The following RASGRF1 variants were observed in gnomAD, a reference collection of about 807,000 sequenced individuals.
RASGRF1 encodes Ras protein specific guanine nucleotide releasing factor 1, also known as ras-specific guanine nucleotide-releasing factor 1.
RASGRF1 carries 40 observed loss-of-function variants against 138.7 expected under a neutral mutation model. The observed-to-expected ratio is 0.29, with a 90% CI of 0.22 to 0.38. The LOEUF (loss-of-function observed/expected upper bound fraction) is 0.38. Ranked by LOEUF, RASGRF1 falls within the 10% of genes least tolerant of loss-of-function variation. The pLI, the probability that RASGRF1 is intolerant of heterozygous loss-of-function variation, is 1.00. For missense variants in RASGRF1, 1,108 were observed against 1,650.4 expected, an observed-to-expected ratio of 0.67 and a Z score of 5.69; for synonymous variants, 614 against 663.2, an observed-to-expected ratio of 0.93 and a Z score of 1.14.
At chr15:79,087,360 C>T (rs1340072835) in intron 1 of RASGRF1, among the ~76,000 whole-genome samples, 1 of 152,236 alleles carries the variant, frequency 6.6e-6, no homozygotes, top group African/African-American at 2.4e-5. Flanking sequence ...TGTGCACGGT[C>T]CCTGATTCTG....
Position 79,006,443 on chromosome 15 carries a change from G to A in RASGRF1, c.1827-9C>T. On this transcript the variant is annotated splice_polypyrimidine_tract_variant and intron_variant, in intron 13 of 26. Transcript: ENST00000558480. This position sits in a 1 kb window ranked among gnomAD's most constrained non-coding sequence, Gnocchi z 4.0. ...ATAAGGAGGCGTCGGACCTGAGAGGGGAGGAAGGATGCAGAGGTGATGTGG... is the reference window on the plus strand; with the variant it reads ...ATAAGGAGGCGTCGGACCTGAGAGGAGAGGAAGGATGCAGAGGTGATGTGG... 3 of 1,607,640 alleles carry A rather than the reference G, an allele frequency of 1.9e-6. No homozygotes were observed. The highest frequency in any genetic ancestry group is 2.7e-5 in the African/African-American group (2 of 74,974).
intron 26 of RASGRF1, 48 bp from the exon 27 acceptor site, chr15:78,962,284 A>C (rs1442335567): frequency 7.8e-7 from 1 of 1,279,602 alleles, no homozygotes; most frequent in Non-Finnish European, 1.1e-6. Flanking sequence ...TGGGACCTCC[A>C]TAGTACTGAT....
In RASGRF1 at chr15:79,027,748, C is replaced by T. The variant is rs1363165698; in HGVS notation, c.1374G>A (p.Val458=). 2 of 1,614,046 alleles carry T rather than the reference C, an allele frequency of 1.2e-6. No homozygotes were observed. Among genetic ancestry groups the T allele is most frequent in the Non-Finnish European group, 8.5e-7 (1 of 1,180,012 alleles). ...AGGGTGCAGAGGCCATACCTTGTCT[C>T]ACAAAGGTCTGGCTGGTGTCCAGGA... The part of the protein sequence containing the change: ...EILLDTSQTF[V]RQGSLIQVPM... Residue 458 remains valine, a synonymous_variant, in exon 9 of 27, where the codon GTG becomes GTA. Coordinates refer to ENST00000558480, the MANE Select transcript of RASGRF1 (RefSeq NM_001145648.3). The surrounding 1 kb of genome is among the most constrained non-coding windows in gnomAD (Gnocchi z 4.8).
chr15:79,004,530 T>C (rs912277106), intron 14 of RASGRF1, among the ~76,000 whole-genome samples: 2 of 151,866 alleles, frequency 1.3e-5, no homozygotes, highest in African/African-American at 4.8e-5. Flanking sequence ...CCGCCTACAC[T>C]CTCTGGCCTC....
At chr15:79,068,983 C>T (rs2057718272) in intron 1 of RASGRF1, among the ~76,000 whole-genome samples, 1 of 152,080 alleles carries the variant, frequency 6.6e-6, no homozygotes, top group African/African-American at 2.4e-5. Context: ...GACCACAGGC[C>T]TGGCCGGGCT....
intron 1 of RASGRF1, among the ~76,000 whole-genome samples, chr15:79,066,823 C>A (rs956979520): frequency 6.6e-6 from 1 of 152,180 alleles, no homozygotes; most frequent in Admixed American, 6.5e-5. Flanking sequence ...TTATGATGCC[C>A]AACTCTCCAT....
rs1234197126 is a variant in RASGRF1, at chr15:79,058,224, C to CA, written c.531+109dup. The CA allele has an allele frequency of 6.7e-5, 99 of 1,476,550 alleles. No individual in the cohort carries two copies. In the East Asian group the frequency reaches 2.1e-3, roughly 32 times the overall value. The allele number at this position is 1,476,550 out of a possible 1,614,324, so 91.5% of individuals were successfully genotyped here. ...CTAAGTTTGGAGTCTGGAAGAACTGCATCTGGGAGCTGCTTTCCCTGCCTG... is the reference window on the plus strand; with the variant it reads ...CTAAGTTTGGAGTCTGGAAGAACTGCAATCTGGGAGCTGCTTTCCCTGCCTG... On this transcript the variant is annotated intron_variant, in intron 3 of 26. Transcript: ENST00000558480.
chr15:79,003,704 T>G, intron 15 of RASGRF1, 98 bp downstream of exon 15: 2 of 1,470,966 alleles, frequency 1.4e-6, no homozygotes, highest in Non-Finnish European at 1.8e-6. Flanking sequence ...TCCTTCCCCA[T>G]GGGAGCAGGA....
chr15:79,019,544 C>T (rs1457231027), intron 11 of RASGRF1, among the ~76,000 whole-genome samples: 1 of 152,226 alleles, frequency 6.6e-6, no homozygotes, highest in African/African-American at 2.4e-5. Context: ...CTCAGCCCTG[C>T]AATCCCTCTG....
At chr15:79,014,587 G>A (rs565509525) in intron 13 of RASGRF1, among the ~76,000 whole-genome samples, 1 of 152,276 alleles carries the variant, frequency 6.6e-6, no homozygotes, top group Non-Finnish European at 1.5e-5. Context: ...GGGGACTCAG[G>A]GGGAAAGGGT....
chr15:78,963,414 G>C (rs2141581211), intron 26 of RASGRF1, among the ~76,000 whole-genome samples: 1 of 151,954 alleles, frequency 6.6e-6, no homozygotes, highest in Non-Finnish European at 1.5e-5. Context: ...CAATTGTCCT[G>C]TCTCAGCCTC....
At chr15:79,009,573 C>T (rs772528131) in intron 13 of RASGRF1, among the ~76,000 whole-genome samples, 24 of 152,178 alleles carry the variant, frequency 1.6e-4, no homozygotes, top group Non-Finnish European at 3.1e-4. Context: ...TTGCTTCTAG[C>T]ACCTTCTCTG....
intron 9 of RASGRF1, among the ~76,000 whole-genome samples, chr15:79,026,377 C>G (rs374466964): frequency 6.6e-6 from 1 of 152,214 alleles, no homozygotes; most frequent in Non-Finnish European, 1.5e-5. Context: ...GGAAAGCCCT[C>G]GTGACTCTCT....
chr15:79,008,822 ACT>A (rs1206445513), intron 13 of RASGRF1, among the ~76,000 whole-genome samples: 1 of 151,796 alleles, frequency 6.6e-6, no homozygotes, highest in Non-Finnish European at 1.5e-5. Context: ...TGCTGGCATG[ACT>A]CCACAAGGCC....
intron 20 of RASGRF1, among the ~76,000 whole-genome samples, chr15:78,993,396 T>G (rs2056323501): frequency 6.6e-6 from 1 of 151,230 alleles, no homozygotes; most frequent in South Asian, 2.1e-4. Context: ...GGTGTGTGTG[T>G]GTGTTTGTGT....
chr15:79,064,297 C>G (rs960230897), intron 2 of RASGRF1, 123 bp downstream of exon 2: 2 of 890,210 alleles, frequency 2.2e-6, no homozygotes, highest in Non-Finnish European at 3.5e-6. Flanking sequence ...AGAGATGCTT[C>G]TCCTCCTCCT....
intron 1 of RASGRF1, among the ~76,000 whole-genome samples, chr15:79,071,739 T>C (rs1182505151): frequency 6.6e-6 from 1 of 152,062 alleles, no homozygotes; most frequent in Non-Finnish European, 1.5e-5. Flanking sequence ...CCTTCCCAGG[T>C]CTTCCCTCCC....
In RASGRF1 at chr15:79,046,702, C is replaced by T; in HGVS notation, c.878+44G>A. The T allele has an allele frequency of 6.2e-7, 1 of 1,607,084 alleles. No individual in the cohort carries two copies. ...TCAAAGCTTAGCTGCGGCCAATGCT[C>T]ACTAGTCTCCTTCCTGCCTTGGCCA... On this transcript the variant is annotated intron_variant, in intron 5 of 26. Coordinates refer to ENST00000558480, the MANE Select transcript of RASGRF1 (RefSeq NM_001145648.3). The surrounding 1 kb of genome is among the most constrained non-coding windows in gnomAD (Gnocchi z 5.3).
At chr15:78,986,681 T>TA (rs981716543) in intron 22 of RASGRF1, among the ~76,000 whole-genome samples, 1 of 151,558 alleles carries the variant, frequency 6.6e-6, no homozygotes, top group Non-Finnish European at 1.5e-5. Context: ...AATAAAAAGT[T>TA]AAAAAAAAGA....
Sources: allele counts gnomAD v4.1 joint callset (sites outside exome capture counted in the v4.1 genomes callset), GRCh38; gene constraint gnomAD v4.1.1; non-coding constraint Gnocchi (gnomAD v3.1); transcripts MANE v1.5; gene names NCBI Gene and HGNC (gene_info 2026-07-23, HGNC 2026-07-21).